The following CD226 variants were observed in gnomAD, a reference collection of about 807,000 sequenced individuals.
CD226 encodes CD226 antigen.
A neutral mutation model predicts 34.9 loss-of-function variants in CD226; 24 were observed. The observed-to-expected ratio is 0.69, with a 90% confidence interval of 0.50 to 0.97. The LOEUF (loss-of-function observed/expected upper bound fraction) is 0.97. Among genes scored for constraint, CD226 ranks in the 50% least tolerant of loss-of-function variants. CD226 has a pLI of 0.00. For missense variants in CD226, 397 were observed against 412.7 expected (o/e 0.96, Z 0.33); for synonymous variants, 148 against 147.4 (o/e 1.00, Z -0.03).
intron 2 of CD226, among the ~76,000 whole-genome samples, chr18:69,902,186 C>T (rs1175060509): frequency 1.3e-5 from 2 of 152,124 alleles, no homozygotes; most frequent in African/African-American, 4.8e-5. Flanking sequence ...CTTTAACCTC[C>T]AATTCTAAGT....
upstream of CD226, among the ~76,000 whole-genome samples, chr18:69,961,441 T>A (rs2055929143): frequency 6.6e-6 from 1 of 152,152 alleles, no homozygotes; most frequent in Admixed American, 6.5e-5. Context: ...TGCAAAAAGG[T>A]CTTCACCTAG....
At chr18:69,898,583 C>T (rs1306264025) in intron 2 of CD226, among the ~76,000 whole-genome samples, 2 of 152,300 alleles carry the variant, frequency 1.3e-5, no homozygotes, top group Admixed American at 6.5e-5. Context: ...AGACCCGCCT[C>T]TCAATAGACT....
At chr18:69,928,178 G>A (rs1033584412) in intron 2 of CD226, among the ~76,000 whole-genome samples, 3 of 152,142 alleles carry the variant, frequency 2.0e-5, no homozygotes, top group Admixed American at 1.3e-4. Flanking sequence ...TCACTTACTC[G>A]AAAGTACTCA....
In CD226 at chr18:69,861,542, GTATATATATATGTA is replaced by G. The variant is rs957871571; in HGVS notation, c.*2758_*2771del. The G allele has an allele frequency of 5.7e-3, 238 of 41,546 alleles. 2 individuals are homozygous for G. Among genetic ancestry groups the G allele is most frequent in the African/African-American group, 0.011 (220 of 19,298 alleles). The allele number at this position is 41,546 out of a possible 1,614,324, so 2.6% of individuals were successfully genotyped here. A position where few individuals can be genotyped will look rare whatever the true frequency, so the allele number is the denominator to read the frequency against. ...TTATCCATCGATATAAATTATATGT[GTATATATATATGTA>G]TATATATATATATATATGTAAAACT... On this transcript the variant is annotated 3_prime_UTR_variant, in exon 6 of 6. Transcript: ENST00000582621.
intron 2 of CD226, among the ~76,000 whole-genome samples, chr18:69,918,477 G>A (rs2055412692): frequency 1.3e-5 from 2 of 152,224 alleles, no homozygotes; most frequent in South Asian, 4.1e-4. Flanking sequence ...AGAATCACTT[G>A]AACTTGGCAG....
chr18:69,921,771 A>C (rs2055454869), intron 2 of CD226, among the ~76,000 whole-genome samples: 1 of 152,204 alleles, frequency 6.6e-6, no homozygotes, highest in Non-Finnish European at 1.5e-5. Flanking sequence ...CTTTGGCATA[A>C]TTTGCCTCCA....
chr18:69,924,692 C>CAAAAAAAAAAAAAAA (rs56118102), intron 2 of CD226, among the ~76,000 whole-genome samples: 5 of 57,126 alleles, frequency 8.8e-5, no homozygotes, highest in Admixed American at 3.2e-4. Flanking sequence ...AAGGTATTGC[C>CAAAAAAAAAAAAAAA]AAAAAAAAAA....
Position 69,902,921 on chromosome 18 carries a change from T to C in CD226, c.383-6876A>G, listed in dbSNP as rs181635890. On this transcript the variant is annotated intron_variant, in intron 2 of 5. Coordinates refer to ENST00000582621, the MANE Select transcript of CD226 (RefSeq NM_001303618.2). ...TATGAATATGCTCAATTAAGAACTT[T>C]TCTACAAACTCTTACTAGTCACCCA... 2.5e-3 allele frequency among the ~76,000 whole-genome samples: 376 copies of C among 152,240 alleles called. 3 individuals are homozygous for C. Among genetic ancestry groups the C allele is most frequent in the Middle Eastern group, 0.014 (4 of 294 alleles).
At chr18:69,931,110 A>C (rs1212872788) in intron 2 of CD226, among the ~76,000 whole-genome samples, 1 of 152,218 alleles carries the variant, frequency 6.6e-6, no homozygotes, top group Non-Finnish European at 1.5e-5. Flanking sequence ...GGAAACCATC[A>C]TTCTCAGCAA....
chr18:69,868,776 T>C (rs1790589), intron 4 of CD226, among the ~76,000 whole-genome samples: 8,856 of 151,204 alleles, frequency 0.059, 747 homozygotes, highest in African/African-American at 0.19. Flanking sequence ...TGCACGCACA[T>C]GCACATGCGC....
At chr18:69,896,471 G>A (rs1228535544) in intron 2 of CD226, among the ~76,000 whole-genome samples, 1 of 152,144 alleles carries the variant, frequency 6.6e-6, no homozygotes, top group Non-Finnish European at 1.5e-5. Flanking sequence ...ATGAGCCACC[G>A]CACCCAGTTG....
intron 4 of CD226, among the ~76,000 whole-genome samples, chr18:69,868,611 T>C (rs907470999): frequency 3.3e-5 from 5 of 152,216 alleles, no homozygotes; most frequent in African/African-American, 1.2e-4. Flanking sequence ...AATTAGATCA[T>C]TTACTCCTCA....
chr18:69,884,607 C>T (rs756835548), intron 3 of CD226, among the ~76,000 whole-genome samples: 8 of 152,314 alleles, frequency 5.3e-5, no homozygotes, highest in Non-Finnish European at 7.3e-5. Context: ...GAAGACAGCA[C>T]CCTTACCTCC....
chr18:69,872,087 TGTGG>T (rs1465643092), intron 4 of CD226, among the ~76,000 whole-genome samples: 3 of 150,578 alleles, frequency 2.0e-5, no homozygotes, highest in Non-Finnish European at 3.0e-5. Flanking sequence ...TGTGTGTGTG[TGTGG>T]TGCATTTGGT....
At chr18:69,960,601 C>A (rs1262801331), upstream of CD226, among the ~76,000 whole-genome samples, 3 of 152,138 alleles carry the variant, frequency 2.0e-5, no homozygotes, top group African/African-American at 7.2e-5. Context: ...AGGCATGCAC[C>A]AACACGCATG....
At chr18:69,906,211 C>T (rs2055250812) in intron 2 of CD226, among the ~76,000 whole-genome samples, 1 of 152,150 alleles carries the variant, frequency 6.6e-6, no homozygotes, top group Non-Finnish European at 1.5e-5. Flanking sequence ...TGCACACCCT[C>T]ACAATGTACT....
chr18:69,882,132 T>G (rs929829164), intron 3 of CD226, among the ~76,000 whole-genome samples: 1 of 152,190 alleles, frequency 6.6e-6, no homozygotes, highest in Admixed American at 6.5e-5. Context: ...CCAGAGAATC[T>G]AAATAATTTT....
chr18:69,927,545 C>T (rs1352558608), intron 2 of CD226, among the ~76,000 whole-genome samples: 3 of 152,074 alleles, frequency 2.0e-5, no homozygotes, highest in Non-Finnish European at 4.4e-5. Context: ...GTTCTCCCAT[C>T]CCCCACCCCC....
At chr18:69,932,473 T>G (rs777577033) in intron 2 of CD226, among the ~76,000 whole-genome samples, 1 of 152,126 alleles carries the variant, frequency 6.6e-6, no homozygotes, top group African/African-American at 2.4e-5. Flanking sequence ...AATCTGGAGC[T>G]CCTGCTGATC....
Sources: allele counts gnomAD v4.1 joint callset (sites outside exome capture counted in the v4.1 genomes callset), GRCh38; gene constraint gnomAD v4.1.1; transcripts MANE v1.5; gene names NCBI Gene and HGNC (gene_info 2026-07-23, HGNC 2026-07-21).